The following CAMK2D variants were observed in gnomAD, a reference collection of about 807,000 sequenced individuals.
CAMK2D encodes the protein calcium/calmodulin-dependent protein kinase type II subunit delta.
In CAMK2D, 37 loss-of-function variants were observed where a neutral mutation model predicts 84.0. That is an observed-to-expected ratio of 0.44 (90% CI 0.34 to 0.58). The LOEUF is 0.58. CAMK2D is among the 20% of genes least tolerant of loss of function. The pLI is 0.02. For missense variants in CAMK2D, 448 were observed against 652.5 expected, an observed-to-expected ratio of 0.69 and a Z score of 3.41; for synonymous variants, 202 against 212.5, an observed-to-expected ratio of 0.95 and a Z score of 0.43.
At chr4:113,521,162 C>A (rs2098353240) in intron 8 of CAMK2D, among the ~76,000 whole-genome samples, 1 of 152,066 alleles carries the variant, frequency 6.6e-6, no homozygotes, top group Non-Finnish European at 1.5e-5. Context: ...TTATTTTCCT[C>A]TTTACTAGCC....
At chr4:113,495,642 G>T (rs2097918001) in intron 16 of CAMK2D, among the ~76,000 whole-genome samples, 1 of 152,080 alleles carries the variant, frequency 6.6e-6, no homozygotes, top group East Asian at 1.9e-4. Flanking sequence ...AGTAATAAGG[G>T]TGCCAACAAC....
chr4:113,688,849 A>G (rs1187569601), intron 2 of CAMK2D, among the ~76,000 whole-genome samples: 2 of 149,726 alleles, frequency 1.3e-5, no homozygotes, highest in Admixed American at 6.8e-5. Context: ...AATCAATCCT[A>G]TACCCCAAAA....
intron 8 of CAMK2D, among the ~76,000 whole-genome samples, chr4:113,519,424 C>CTGTT (rs1169561016): frequency 6.6e-6 from 1 of 151,938 alleles, no homozygotes; most frequent in African/African-American, 2.4e-5. Context: ...CACAATTTAG[C>CTGTT]TGTTTGATGG....
intron 4 of CAMK2D, among the ~76,000 whole-genome samples, chr4:113,581,729 G>T (rs1330869965): frequency 6.6e-6 from 1 of 152,120 alleles, no homozygotes; most frequent in African/African-American, 2.4e-5. Context: ...AGGAATTAAA[G>T]TGGTGGTGCT....
At chr4:113,736,509 CAAAG>C (rs2099581736) in intron 2 of CAMK2D, among the ~76,000 whole-genome samples, 1 of 152,048 alleles carries the variant, frequency 6.6e-6, no homozygotes, top group South Asian at 2.1e-4. Flanking sequence ...TTGAGTGAAA[CAAAG>C]GAAGAAGCGG....
rs767718280 is a variant in CAMK2D, at chr4:113,609,186, A to C, written c.241T>G (p.Ser81Ala). ...PNIVRLHDSI[S>A]EEGFHYLVFD... ...ACCAAGTAGTGAAAGCCCTCTTCTG[A>C]TATGCTATCATGAAGTCGCACTAGA... is the stretch of plus-strand genomic sequence containing the variant. Residue 81 changes from serine (S) to alanine (A), a missense_variant, in exon 4 of 21, where the codon TCA (serine) becomes GCA (alanine). Physicochemically the swap from Ser to Ala is moderately conservative, Grantham distance 99 (BLOSUM62 1). Transcript: ENST00000511664. 2.5e-6 allele frequency: 4 copies of C among 1,583,024 alleles called. No individual in the cohort carries two copies. The highest frequency in any genetic ancestry group is 3.5e-6 in the Non-Finnish European group (4 of 1,151,906).
In CAMK2D at chr4:113,726,255, C is replaced by CT. The variant is rs147155273; in HGVS notation, c.160+33064dup. Among the ~76,000 whole-genome samples the CT allele has an allele frequency of 5.3e-3, 802 of 151,950 alleles. 7 individuals carry two copies. Among genetic ancestry groups the CT allele is most frequent in the African/African-American group, 0.018 (759 of 41,426 alleles). On this transcript the variant is annotated intron_variant, in intron 2 of 20. Transcript: ENST00000511664. ...TACTGGAAAATTCAAGTCCCAAAAG[C>CT]TTTTACTCTCATTAGTTTTGTTGTA...
intron 16 of CAMK2D, among the ~76,000 whole-genome samples, chr4:113,494,979 A>G (rs2097908738): frequency 6.6e-6 from 1 of 152,180 alleles, no homozygotes; most frequent in Non-Finnish European, 1.5e-5. Context: ...AAGTGAGGCA[A>G]TGCCTTGCCC....
rs961614176 is a variant in CAMK2D at position 113,656,522 on chromosome 4, T to G, written c.220+5191A>C. 8.7e-4 allele frequency among the ~76,000 whole-genome samples: 132 copies of G among 152,152 alleles called. 1 individual carries two copies. Among genetic ancestry groups the G allele is most frequent in the African/African-American group, 3.0e-3 (126 of 41,444 alleles). On this transcript the variant is annotated intron_variant, in intron 3 of 20. Coordinates refer to ENST00000511664, the MANE Select transcript of CAMK2D (RefSeq NM_001321571.2). Reference sequence around the variant, plus strand: ...ACATAGCAGACACAGCAAAGCAGATTATGATACACTTTTGCTTAAAATCCC... The same window carrying G: ...ACATAGCAGACACAGCAAAGCAGATGATGATACACTTTTGCTTAAAATCCC...
At chr4:113,682,792 C>T (rs970890008) in intron 2 of CAMK2D, among the ~76,000 whole-genome samples, 5 of 152,082 alleles carry the variant, frequency 3.3e-5, no homozygotes, top group Non-Finnish European at 5.9e-5. Flanking sequence ...TTATTCTAAG[C>T]AAATGTTTTA....
chr4:113,453,189 C>A lies in CAMK2D; in HGVS notation c.*1356G>T, dbSNP rs1351100075. The A allele has an allele frequency of 6.6e-6, 1 of 152,134 alleles. No individual in the cohort carries two copies. Among genetic ancestry groups the A allele is most frequent in the Non-Finnish European group, 1.5e-5 (1 of 68,016 alleles). 9.4% of individuals were successfully genotyped at this position (152,134 alleles called of 1,614,324 possible). A position where few individuals can be genotyped will look rare whatever the true frequency, so the allele number is the denominator to read the frequency against. On this transcript the variant is annotated 3_prime_UTR_variant, in exon 21 of 21. Transcript: ENST00000511664. Reference sequence around the variant, plus strand: ...GTTTTAAACTGGGAAATTCTAACTCCTTGGAGGAAGACAATGATACTCTGA... The same window carrying A: ...GTTTTAAACTGGGAAATTCTAACTCATTGGAGGAAGACAATGATACTCTGA...
chr4:113,749,417 G>A (rs1318236690), intron 2 of CAMK2D, among the ~76,000 whole-genome samples: 3 of 152,012 alleles, frequency 2.0e-5, no homozygotes, highest in Non-Finnish European at 4.4e-5. Flanking sequence ...GACAGACACA[G>A]CAGTTGAAAC....
intron 3 of CAMK2D, among the ~76,000 whole-genome samples, chr4:113,656,767 T>C (rs1203354326): frequency 2.0e-5 from 3 of 152,104 alleles, no homozygotes; most frequent in Non-Finnish European, 4.4e-5. Context: ...CATTTAGATA[T>C]CAGTTTAAAT....
At chr4:113,543,852 G>C (rs1019155289) in intron 6 of CAMK2D, among the ~76,000 whole-genome samples, 28 of 151,618 alleles carry the variant, frequency 1.8e-4, no homozygotes, top group Middle Eastern at 3.4e-3. Flanking sequence ...AATGCAGTGG[G>C]GCGATCTCTG....
chr4:113,702,466 T>C (rs972041887), intron 2 of CAMK2D, among the ~76,000 whole-genome samples: 2 of 152,142 alleles, frequency 1.3e-5, no homozygotes, highest in African/African-American at 4.8e-5. Context: ...ATAGCACTAT[T>C]GAATGGAAAT....
chr4:113,747,277 C>A (rs1258884980), intron 2 of CAMK2D, among the ~76,000 whole-genome samples: 1 of 148,252 alleles, frequency 6.7e-6, no homozygotes, highest in Non-Finnish European at 1.5e-5. Flanking sequence ...TAAACTATAT[C>A]ACAGAATTAA....
At chr4:113,618,869 G>A (rs1403434669) in intron 3 of CAMK2D, among the ~76,000 whole-genome samples, 1 of 152,124 alleles carries the variant, frequency 6.6e-6, no homozygotes, top group Non-Finnish European at 1.5e-5. Context: ...CATCTATCAG[G>A]CACCTAATAT....
At chr4:113,579,458 C>T (rs2098798424) in intron 4 of CAMK2D, among the ~76,000 whole-genome samples, 1 of 152,160 alleles carries the variant, frequency 6.6e-6, no homozygotes, top group African/African-American at 2.4e-5. Context: ...GGGTGGATCC[C>T]TCATAAATGG....
chr4:113,462,266 A>ATGTG (rs143654780), intron 17 of CAMK2D, among the ~76,000 whole-genome samples: 1,642 of 109,132 alleles, frequency 0.015, 31 homozygotes, highest in East Asian at 0.059. Flanking sequence ...ATATTTGGAA[A>ATGTG]TGTGTGTGTG....
Sources: allele counts gnomAD v4.1 joint callset (sites outside exome capture counted in the v4.1 genomes callset), GRCh38; gene constraint gnomAD v4.1.1; transcripts MANE v1.5; gene names NCBI Gene and HGNC (gene_info 2026-07-23, HGNC 2026-07-21).